Variants in ARK2N observed in about 807,000 individuals in gnomAD.
ARK2N encodes protein ARK2N.
chr18:46,248,125 A>G, the ARK2N span, among the ~76,000 whole-genome samples: 1 of 152,216 alleles, frequency 6.6e-6, no homozygotes, highest in Non-Finnish European at 1.5e-5. Context: ...GAGTCAGTAG[A>G]TGGCAGTGAA....
the ARK2N span, among the ~76,000 whole-genome samples, chr18:46,203,906 A>G: frequency 2.0e-4 from 31 of 152,116 alleles, no homozygotes; most frequent in African/African-American, 7.5e-4. Context: ...AAGGAGTCTG[A>G]CTGATTTGAT....
chr18:46,189,412 A>G, the ARK2N span, among the ~76,000 whole-genome samples: 2 of 152,150 alleles, frequency 1.3e-5, no homozygotes, highest in Non-Finnish European at 2.9e-5. Context: ...CTTCAAATAC[A>G]TTAGGAAAAC....
At chr18:46,188,210 A>G in the ARK2N span, among the ~76,000 whole-genome samples, 3 of 152,088 alleles carry the variant, frequency 2.0e-5, no homozygotes. Context: ...TTATATATAT[A>G]TATTTTTGAG....
the ARK2N span, among the ~76,000 whole-genome samples, chr18:46,209,395 C>A: frequency 6.7e-6 from 1 of 149,786 alleles, no homozygotes. Context: ...CTCAACTTTT[C>A]TCTTCCAGAT....
the ARK2N span, among the ~76,000 whole-genome samples, chr18:46,198,521 C>T: frequency 6.6e-6 from 1 of 152,032 alleles, no homozygotes; most frequent in Non-Finnish European, 1.5e-5. Flanking sequence ...TTTCTTGTTT[C>T]CTTATAGATT....
At chr18:46,193,124 A>G in the ARK2N span, among the ~76,000 whole-genome samples, 3 of 151,962 alleles carry the variant, frequency 2.0e-5, no homozygotes, top group African/African-American at 7.2e-5. Flanking sequence ...CTGAGATTGC[A>G]CCACTGCACT....
At chr18:46,178,348 C>T in the ARK2N span, among the ~76,000 whole-genome samples, 6 of 152,166 alleles carry the variant, frequency 3.9e-5, no homozygotes, top group Non-Finnish European at 7.4e-5. Flanking sequence ...AGTCTCACTG[C>T]GATGCCCAGG....
chr18:46,258,190 T>C, the ARK2N span, among the ~76,000 whole-genome samples: 1 of 152,178 alleles, frequency 6.6e-6, no homozygotes, highest in Non-Finnish European at 1.5e-5. Flanking sequence ...CCTCCCAAAG[T>C]GCTGGGATTA....
the ARK2N span, chr18:46,253,776 G>A: frequency 5.0e-5 from 80 of 1,613,448 alleles, no homozygotes; most frequent in South Asian, 2.7e-4. Flanking sequence ...TTAACATTGC[G>A]TCTTCAGATA....
the ARK2N span, among the ~76,000 whole-genome samples, chr18:46,205,375 G>A: frequency 1.3e-5 from 2 of 152,152 alleles, no homozygotes; most frequent in East Asian, 1.9e-4. Flanking sequence ...GAGGATTTCC[G>A]ATAGTGCTTG....
chr18:46,223,230 CTT>C, the ARK2N span, among the ~76,000 whole-genome samples: 2 of 152,184 alleles, frequency 1.3e-5, no homozygotes, highest in African/African-American at 4.8e-5. Context: ...TTCATTTAGT[CTT>C]TTTTTCCATA....
chr18:46,177,277 T>C, the ARK2N span, among the ~76,000 whole-genome samples: 1 of 152,122 alleles, frequency 6.6e-6, no homozygotes, highest in East Asian at 1.9e-4. Context: ...TGTAAGGGGC[T>C]GGGCACAGTG....
the ARK2N span, among the ~76,000 whole-genome samples, chr18:46,229,325 A>G: frequency 6.6e-6 from 1 of 152,152 alleles, no homozygotes; most frequent in African/African-American, 2.4e-5. Flanking sequence ...TATTACAGAC[A>G]TTTAAAAAAG....
At chr18:46,235,138 T>C in the ARK2N span, among the ~76,000 whole-genome samples, 1 of 152,230 alleles carries the variant, frequency 6.6e-6, no homozygotes, top group Non-Finnish European at 1.5e-5. Flanking sequence ...GTGGGGGTGC[T>C]CTTGTAGGCA....
the ARK2N span, among the ~76,000 whole-genome samples, chr18:46,251,841 T>C: frequency 6.6e-6 from 1 of 151,894 alleles, no homozygotes; most frequent in Non-Finnish European, 1.5e-5. Context: ...TAAGCCTTGG[T>C]TTGAGACTGT....
chr18:46,203,324 G>A, the ARK2N span, among the ~76,000 whole-genome samples: 1 of 152,146 alleles, frequency 6.6e-6, no homozygotes, highest in Non-Finnish European at 1.5e-5. Flanking sequence ...ATAAGCTGCT[G>A]TTGCATACTG....
chr18:46,224,403 T>C, the ARK2N span, among the ~76,000 whole-genome samples: 1 of 152,184 alleles, frequency 6.6e-6, no homozygotes, highest in Non-Finnish European at 1.5e-5. Context: ...TTTTGTGTGA[T>C]AAGAATCATC....
the ARK2N span, chr18:46,216,381 A>T: frequency 6.2e-7 from 1 of 1,614,142 alleles, no homozygotes; most frequent in South Asian, 1.1e-5. The surrounding 1 kb of genome is among the most constrained non-coding windows in gnomAD (Gnocchi z 4.3). Context: ...AGAATGGCCG[A>T]GTCGCCAAGG....
At chr18:46,250,690 C>CCT in the ARK2N span, among the ~76,000 whole-genome samples, 1 of 152,174 alleles carries the variant, frequency 6.6e-6, no homozygotes, top group East Asian at 1.9e-4. Context: ...TGACGTCACC[C>CCT]CTCTGCTTAC....
Sources: gnomAD v4.1 joint callset for allele counts (sites outside exome capture counted in the v4.1 genomes callset) on GRCh38, gnomAD v4.1.1 for gene constraint, Gnocchi (gnomAD v3.1) non-coding constraint, MANE v1.5 for transcripts, NCBI Gene and HGNC (gene_info 2026-07-23, HGNC 2026-07-21) for gene names.